The following IL17REL variants were observed in gnomAD, a reference collection of about 807,000 sequenced individuals.
IL17REL encodes interleukin 17 receptor E like, also known as interleukin-17 receptor E-like protein.
In IL17REL, 36 loss-of-function variants were observed where a neutral mutation model predicts 49.0. The observed-to-expected ratio is 0.73, with a 90% CI of 0.56 to 0.97. The LOEUF (loss-of-function observed/expected upper bound fraction) is 0.97, where lower values mean the gene tolerates loss of function less well. Ranked by LOEUF, IL17REL falls within the 50% of genes least tolerant of loss-of-function variation. The pLI is 0.00. For missense variants in IL17REL, 470 were observed against 453.9 expected (o/e 1.04, Z -0.32); for synonymous variants, 206 against 192.4 (o/e 1.07, Z -0.58).
chr22:49,993,802 C>T (rs905707814), downstream of IL17REL, among the ~76,000 whole-genome samples: 2 of 152,154 alleles, frequency 1.3e-5, no homozygotes, highest in African/African-American at 2.4e-5. This position sits in a 1 kb window ranked among gnomAD's most constrained non-coding sequence, Gnocchi z 6.0. Context: ...CCAGGATTCC[C>T]GGAGTAGCCC....
downstream of IL17REL, among the ~76,000 whole-genome samples, chr22:49,992,693 C>T (rs1032077352): frequency 3.9e-5 from 6 of 152,352 alleles, no homozygotes; most frequent in East Asian, 1.2e-3. Flanking sequence ...TCTCAGCTCA[C>T]TGCAACCTCT....
chr22:49,998,228 G>A (rs1002646024), exon 8 of IL17REL: 38 of 1,612,548 alleles, frequency 2.4e-5, no homozygotes, highest in Non-Finnish European at 3.1e-5. Context: ...GCCACTCACA[G>A]GGCAGGCGGG....
At chr22:50,012,215 A>C (rs527834355), upstream of IL17REL, among the ~76,000 whole-genome samples, 6 of 152,294 alleles carry the variant, frequency 3.9e-5, no homozygotes, top group African/African-American at 1.4e-4. Flanking sequence ...CGGGCTCCCG[A>C]TGGCTCAGAG....
upstream of IL17REL, among the ~76,000 whole-genome samples, chr22:50,011,609 G>A (rs1569213857): frequency 6.6e-6 from 1 of 151,344 alleles, no homozygotes; most frequent in East Asian, 1.9e-4. Context: ...CATCTCCACT[G>A]CAGGGTGGCA....
At chr22:50,004,844 T>A in intron 1 of IL17REL, among the ~76,000 whole-genome samples, 1 of 109,600 alleles carries the variant, frequency 9.1e-6, no homozygotes, top group Non-Finnish European at 1.8e-5. Flanking sequence ...AGAGCAAGAC[T>A]CCATCTCAAA....
At chr22:50,001,950 C>T (rs1023482877) in intron 1 of IL17REL, among the ~76,000 whole-genome samples, 5 of 152,212 alleles carry the variant, frequency 3.3e-5, no homozygotes, top group African/African-American at 7.2e-5. Context: ...TGAGACAGTG[C>T]GGCTGCTGCT....
downstream of IL17REL, among the ~76,000 whole-genome samples, chr22:49,992,278 C>T (rs2061010290): frequency 6.6e-6 from 1 of 152,220 alleles, no homozygotes; most frequent in South Asian, 2.1e-4. Flanking sequence ...GCACTTCTCC[C>T]CACCTGCCTG....
At chr22:50,003,905 G>A (rs2061093269) in intron 1 of IL17REL, among the ~76,000 whole-genome samples, 1 of 152,110 alleles carries the variant, frequency 6.6e-6, no homozygotes, top group Non-Finnish European at 1.5e-5. Flanking sequence ...TAGGCTTCTC[G>A]CTTTGAAATG....
intron 10 of IL17REL, 97 bp from the exon 13 acceptor site, chr22:49,997,580 C>A: frequency 7.1e-7 from 1 of 1,414,288 alleles, no homozygotes; most frequent in South Asian, 1.2e-5. Context: ...TGTACCTCCC[C>A]CACACTGGCT....
exon 8 of IL17REL, chr22:49,998,244 A>G: frequency 6.2e-7 from 1 of 1,612,544 alleles, no homozygotes; most frequent in South Asian, 1.1e-5. Context: ...GCGGGCTCCC[A>G]GCTCAGTGTC....
Position 49,999,973 on chromosome 22 carries a change from G to A in IL17REL, c.335-6C>T. ...CCAGTAGCTGAGCTTCCCCGCTGCAGGAGGCGGCAAGTCGGGGCCGCGCTG... is the reference window on the plus strand; with the variant it reads ...CCAGTAGCTGAGCTTCCCCGCTGCAAGAGGCGGCAAGTCGGGGCCGCGCTG... On this transcript the variant is annotated splice_polypyrimidine_tract_variant and splice_region_variant and intron_variant, in intron 4 of 12. Transcript: ENST00000341280. 4 of 1,502,962 alleles carry A rather than the reference G, an allele frequency of 2.7e-6. No individual in the cohort carries two copies. The Middle Eastern group carries it at 5.5e-4, about 205-fold the overall frequency. 93.1% of individuals were successfully genotyped at this position (1,502,962 alleles called of 1,614,324 possible).
At chr22:50,000,050 G>A in intron 4 of IL17REL, 83 bp from the exon 7 acceptor site, 6 of 1,358,278 alleles carry the variant, frequency 4.4e-6, no homozygotes, top group Non-Finnish European at 5.8e-6. Context: ...GCCCCGACGT[G>A]GTGGCTCCTG....
chr22:50,000,428 G>GC (rs1208461111), intron 4 of IL17REL, 50 bp downstream of exon 5: 1 of 1,409,484 alleles, frequency 7.1e-7, no homozygotes, highest in East Asian at 2.3e-5. Context: ...CCCAAGCCAG[G>GC]CCCTGGAGGC....
downstream of IL17REL, among the ~76,000 whole-genome samples, chr22:49,991,826 A>G (rs1477757334): frequency 6.6e-6 from 1 of 152,206 alleles, no homozygotes; most frequent in Non-Finnish European, 1.5e-5. Context: ...CAATTCAGGA[A>G]GTTTATTTGG....
At chr22:50,000,321 G>C (rs938407474) in intron 4 of IL17REL, among the ~76,000 whole-genome samples, 81 bp from the exon 6 acceptor site, 6 of 152,198 alleles carry the variant, frequency 3.9e-5, no homozygotes, top group Admixed American at 2.0e-4. Flanking sequence ...CCCCATCCAC[G>C]CGCTGTGCCT....
At chr22:49,998,597 G>A (rs1381051674) in intron 7 of IL17REL, among the ~76,000 whole-genome samples, 5 of 150,406 alleles carry the variant, frequency 3.3e-5, no homozygotes, top group Admixed American at 6.6e-5. Flanking sequence ...GTATGTGTAC[G>A]TGTTTGCATG....
At position 50,007,582 on chromosome 22, in the gene IL17REL, T is replaced by C. The variant is rs1296853256; in HGVS notation, c.-42+1055A>G. 2.6e-5 allele frequency among the ~76,000 whole-genome samples: 4 copies of C among 152,222 alleles called. 1 individual carries two copies. The highest frequency in any genetic ancestry group is 2.6e-4 in the Admixed American group (4 of 15,260). Reference sequence around the variant, plus strand: ...CTTAGTACAGACAGGTTTCACCATGTTGGCCAGGCTGGTCTCGAACTCCTG... The same window carrying C: ...CTTAGTACAGACAGGTTTCACCATGCTGGCCAGGCTGGTCTCGAACTCCTG... On this transcript the variant is annotated intron_variant, in intron 1 of 12. Transcript: ENST00000341280.
intron 1 of IL17REL, among the ~76,000 whole-genome samples, chr22:50,003,357 CTA>C (rs2061089292): frequency 6.6e-6 from 1 of 151,774 alleles, no homozygotes; most frequent in South Asian, 2.1e-4. Flanking sequence ...CCTGTCTCTA[CTA>C]AAAATACAAA....
At chr22:49,997,214 G>T in intron 11 of IL17REL, 106 bp downstream of exon 13, 1 of 1,414,016 alleles carries the variant, frequency 7.1e-7, no homozygotes, top group Non-Finnish European at 9.8e-7. Flanking sequence ...TAGACCCTGG[G>T]TGGGCTCAGG....
Sources: allele counts gnomAD v4.1 joint callset (sites outside exome capture counted in the v4.1 genomes callset), GRCh38; gene constraint gnomAD v4.1.1; non-coding constraint Gnocchi (gnomAD v3.1); transcripts MANE v1.5; gene names NCBI Gene and HGNC (gene_info 2026-07-23, HGNC 2026-07-21).